SRRM4: variants seen among roughly 807,000 people sequenced by gnomAD.
SRRM4 encodes serine/arginine repetitive matrix protein 4.
A neutral mutation model predicts 68.9 loss-of-function variants in SRRM4; 33 were observed. The observed-to-expected ratio is 0.48, with a 90% CI of 0.36 to 0.64. SRRM4 has a LOEUF of 0.64. Ranked by LOEUF, SRRM4 falls within the 30% of genes least tolerant of loss-of-function variation. The probability of loss-of-function intolerance (pLI) is 0.00; values close to 1 mark genes in which losing one functional copy is unlikely to be tolerated. For synonymous variants in SRRM4, 318 were observed against 318.8 expected, an observed-to-expected ratio of 1.00 and a Z score of 0.03; for missense variants, 817 against 827.1, an observed-to-expected ratio of 0.99 and a Z score of 0.15.
At chr12:119,056,888 G>A (rs1179657153) in intron 1 of SRRM4, among the ~76,000 whole-genome samples, 2 of 152,084 alleles carry the variant, frequency 1.3e-5, no homozygotes, top group African/African-American at 2.4e-5. Context: ...AGACCCACCT[G>A]TCTTGTTCAT....
chr12:119,055,982 G>A (rs759119442), intron 1 of SRRM4, among the ~76,000 whole-genome samples: 1 of 152,208 alleles, frequency 6.6e-6, no homozygotes, highest in South Asian at 2.1e-4. Flanking sequence ...ATGTAGGGAC[G>A]TCCTTTAGCT....
Position 119,020,184 on chromosome 12 carries a change from C to T in SRRM4, c.131+38171C>T, listed in dbSNP as rs993223671. On this transcript the variant is annotated intron_variant, in intron 1 of 12. Coordinates refer to ENST00000267260, the MANE Select transcript of SRRM4 (RefSeq NM_194286.4). ...GCTGCATGGGGCCCCCACAAGTTCTCCCCTCTCTGACTTAGTTCACATCCC... is the reference window on the plus strand; with the variant it reads ...GCTGCATGGGGCCCCCACAAGTTCTTCCCTCTCTGACTTAGTTCACATCCC... Among the ~76,000 whole-genome samples the T allele has an allele frequency of 3.9e-5, 6 of 152,040 alleles. No individual in the cohort carries two copies. In the East Asian group the frequency reaches 1.2e-3, roughly 30 times the overall value.
intron 1 of SRRM4, among the ~76,000 whole-genome samples, chr12:118,985,435 T>C (rs938839207): frequency 3.3e-5 from 5 of 152,250 alleles, no homozygotes; most frequent in African/African-American, 1.2e-4. Flanking sequence ...TCCCACGGTT[T>C]CATCAAATCT....
rs540945738 is a variant in SRRM4, at chr12:119,161,578, G to A, written c.*4780G>A. 5 of 152,166 alleles carry A rather than the reference G, an allele frequency of 3.3e-5. No homozygotes were observed. The highest frequency in any genetic ancestry group is 3.4e-3 in the Middle Eastern group (1 of 294). The allele number at this position is 152,166 out of a possible 1,614,324, so 9.4% of individuals were successfully genotyped here. A position where few individuals can be genotyped will look rare whatever the true frequency, so the allele number is the denominator to read the frequency against. On this transcript the variant is annotated 3_prime_UTR_variant, in exon 13 of 13. Transcript: ENST00000267260. ...CATGGCTTATTTAATAATTTATTTC[G>A]TATTTATTGAGTAATATTGGGAAAA...
intron 1 of SRRM4, among the ~76,000 whole-genome samples, chr12:119,015,158 G>A (rs1953473621): frequency 6.6e-6 from 1 of 152,160 alleles, no homozygotes; most frequent in African/African-American, 2.4e-5. Context: ...AGGTAGATAT[G>A]GAGACAGTAT....
At position 119,156,530 on chromosome 12, in the gene SRRM4, G is replaced by C. The variant is rs990004267; in HGVS notation, c.1568G>C (p.Ser523Thr). ...CGCCCCATCCCCTACTATCGGCCCA[G>C]CCCCTCCTCATCCGGCAGCCTCAGC... ...RKRPIPYYRPSPSSSGSLSST... is the reference protein window; with the variant it reads ...RKRPIPYYRPTPSSSGSLSST... The change falls in exon 13 of 13, where the codon AGC becomes ACC. Residue 523 changes from serine (S) to threonine (T), a missense_variant. By Grantham distance (58) the Ser-to-Thr change is moderately conservative (BLOSUM62 1). Coordinates refer to ENST00000267260, the MANE Select transcript of SRRM4 (RefSeq NM_194286.4). The C allele has an allele frequency of 4.3e-6, 7 of 1,610,666 alleles. No homozygotes were observed. The highest frequency in any genetic ancestry group is 5.9e-6 in the Non-Finnish European group (7 of 1,179,158).
intron 2 of SRRM4, among the ~76,000 whole-genome samples, chr12:119,107,322 T>C (rs1954113382): frequency 6.6e-6 from 1 of 152,238 alleles, no homozygotes; most frequent in Non-Finnish European, 1.5e-5. Flanking sequence ...ATCAGGATGA[T>C]GCTGGCTTCA....
intron 1 of SRRM4, among the ~76,000 whole-genome samples, chr12:119,034,755 T>G (rs113931233): frequency 3.3e-5 from 5 of 152,346 alleles, no homozygotes; most frequent in African/African-American, 1.2e-4. Flanking sequence ...TCTCTTGCCT[T>G]GAATTATTTG....
At chr12:119,034,986 A>T (rs1953617537) in intron 1 of SRRM4, among the ~76,000 whole-genome samples, 1 of 152,190 alleles carries the variant, frequency 6.6e-6, no homozygotes. Flanking sequence ...TTATGAGGCG[A>T]AATTTTCAGG....
intron 1 of SRRM4, among the ~76,000 whole-genome samples, chr12:119,077,985 C>T (rs1276754937): frequency 6.6e-6 from 1 of 152,160 alleles, no homozygotes; most frequent in Non-Finnish European, 1.5e-5. Flanking sequence ...AGCTCAAATC[C>T]TAGCCTCAAC....
chr12:119,011,789 A>G (rs1953451372), intron 1 of SRRM4, among the ~76,000 whole-genome samples: 1 of 152,096 alleles, frequency 6.6e-6, no homozygotes, highest in Non-Finnish European at 1.5e-5. Flanking sequence ...GACCAGTGCC[A>G]TTGCCGAGTG....
chr12:119,060,474 C>A (rs1250461170), intron 1 of SRRM4, among the ~76,000 whole-genome samples: 2 of 150,870 alleles, frequency 1.3e-5, no homozygotes, highest in African/African-American at 4.9e-5. Flanking sequence ...TGCACGTACA[C>A]ATTCACACTC....
rs756822935 is a variant in SRRM4 at position 119,151,139 on chromosome 12, C to T, written c.1199C>T (p.Ser400Phe). The change falls in exon 10 of 13, where the codon TCC (serine) becomes TTC (phenylalanine). Residue 400 changes from serine to phenylalanine, a missense_variant. Physicochemically the swap from Ser to Phe is radical, Grantham distance 155. Coordinates refer to ENST00000267260, the MANE Select transcript of SRRM4 (RefSeq NM_194286.4). ...AGCTCCTCCTATGCCAGCACCCGATCCTCCAGTCACTCGTCCCGATCCCCA... is the reference window on the plus strand; with the variant it reads ...AGCTCCTCCTATGCCAGCACCCGATTCTCCAGTCACTCGTCCCGATCCCCA... ...SRSSSYASTRSSSHSSRSPNP... is the reference protein window; with the variant it reads ...SRSSSYASTRFSSHSSRSPNP... The T allele has an allele frequency of 3.5e-5, 56 of 1,613,980 alleles. No homozygotes were observed. The highest frequency in any genetic ancestry group is 4.6e-5 in the Non-Finnish European group (54 of 1,179,864).
intron 1 of SRRM4, among the ~76,000 whole-genome samples, chr12:119,092,117 T>C (rs1409272600): frequency 6.6e-6 from 1 of 152,298 alleles, no homozygotes; most frequent in Middle Eastern, 3.4e-3. Flanking sequence ...TCCACCAGGC[T>C]GGGGCACTTC....
intron 1 of SRRM4, among the ~76,000 whole-genome samples, chr12:119,074,579 A>T (rs80271035): frequency 4.1e-4 from 63 of 152,292 alleles, no homozygotes; most frequent in Non-Finnish European, 6.9e-4. Flanking sequence ...AGTAGGTATC[A>T]CCTCTGGCTC....
intron 7 of SRRM4, among the ~76,000 whole-genome samples, chr12:119,129,546 C>T (rs2136057013): frequency 6.6e-6 from 1 of 152,258 alleles, no homozygotes; most frequent in East Asian, 1.9e-4. Flanking sequence ...TATAGACAAA[C>T]ACATGGAAAC....
intron 4 of SRRM4, among the ~76,000 whole-genome samples, chr12:119,118,312 C>T (rs1954194408): frequency 6.6e-6 from 1 of 152,246 alleles, no homozygotes. Context: ...AATTTTCCTA[C>T]ATCAATTGTA....
At chr12:119,150,967 C>T in intron 9 of SRRM4, 50 bp from the exon 10 acceptor site, 2 of 1,565,160 alleles carry the variant, frequency 1.3e-6, no homozygotes, top group East Asian at 2.3e-5. Context: ...AAACAAGATG[C>T]TCCCAGAGTA....
intron 8 of SRRM4, among the ~76,000 whole-genome samples, chr12:119,140,972 T>G (rs77986311): frequency 2.0e-5 from 3 of 151,996 alleles, no homozygotes; most frequent in Non-Finnish European, 4.4e-5. Flanking sequence ...AAGAGAATAA[T>G]TTTTTTTGGC....
Sources: gnomAD v4.1 joint callset for allele counts (sites outside exome capture counted in the v4.1 genomes callset) on GRCh38, gnomAD v4.1.1 for gene constraint, MANE v1.5 for transcripts, NCBI Gene and HGNC (gene_info 2026-07-23, HGNC 2026-07-21) for gene names.